Variants in CSMD1 observed in about 807,000 individuals in gnomAD.
CSMD1 encodes the protein CUB and Sushi multiple domains 1, also known as CUB and sushi domain-containing protein 1.
A neutral mutation model predicts 417.5 loss-of-function variants in CSMD1; 213 were observed. That is an observed-to-expected ratio of 0.51 (90% CI 0.46 to 0.57). The LOEUF (loss-of-function observed/expected upper bound fraction) is 0.57. Among genes scored for constraint, CSMD1 ranks in the 20% least tolerant of loss-of-function variants. CSMD1 has a pLI of 0.00. For missense variants in CSMD1, 6,923 were observed against 4,529.7 expected (o/e 1.53, Z -15.17); for synonymous variants, 2,862 against 1,736.8 (o/e 1.65, Z -16.11).
At chr8:4,655,622 A>G (rs1804184449) in intron 1 of CSMD1, among the ~76,000 whole-genome samples, 2 of 152,136 alleles carry the variant, frequency 1.3e-5, no homozygotes, top group Non-Finnish European at 2.9e-5. Flanking sequence ...GGTACTTGCT[A>G]TAGAAGAACA....
intron 8 of CSMD1, among the ~76,000 whole-genome samples, chr8:3,597,882 T>A (rs1352431638): frequency 9.9e-5 from 15 of 152,166 alleles, no homozygotes; most frequent in African/African-American, 3.6e-4. Context: ...AAATACCTAA[T>A]GTAAATGATG....
chr8:4,107,284 C>A (rs181895384), intron 3 of CSMD1, among the ~76,000 whole-genome samples: 6 of 152,196 alleles, frequency 3.9e-5, no homozygotes, highest in African/African-American at 7.2e-5. Flanking sequence ...CATTTCAACA[C>A]GCTGCACTGC....
intron 5 of CSMD1, among the ~76,000 whole-genome samples, chr8:3,896,291 C>T (rs990441265): frequency 6.6e-6 from 1 of 152,078 alleles, no homozygotes; most frequent in Non-Finnish European, 1.5e-5. Flanking sequence ...AGTGACATCG[C>T]CTTGGGAAAA....
In CSMD1 at chr8:4,927,053, GA is replaced by G. The variant is rs201489992; in HGVS notation, c.85+67278del. Among the ~76,000 whole-genome samples the G allele has an allele frequency of 8.0e-3, 1,212 of 150,584 alleles. 18 individuals are homozygous for G. Among genetic ancestry groups the G allele is most frequent in the African/African-American group, 0.027 (1,115 of 41,120 alleles). ...GACATGCTTCAGCATTCCTTTTAAT[GA>G]AAAAAATAGGGCTGTGTTATTTGCT... On this transcript the variant is annotated intron_variant, in intron 1 of 69. Transcript: ENST00000635120.
At chr8:4,139,580 G>T (rs749532816) in intron 3 of CSMD1, among the ~76,000 whole-genome samples, 1 of 151,194 alleles carries the variant, frequency 6.6e-6, no homozygotes, top group African/African-American at 2.5e-5. Context: ...AGCTGCCTAT[G>T]GAACTGAGTG....
intron 11 of CSMD1, among the ~76,000 whole-genome samples, chr8:3,488,655 T>A (rs1009733578): frequency 6.6e-6 from 1 of 152,136 alleles, no homozygotes; most frequent in African/African-American, 2.4e-5. Context: ...TAGCATAATA[T>A]TTGGCATTCA....
chr8:3,742,463 C>A (rs1415359384), intron 6 of CSMD1, among the ~76,000 whole-genome samples: 5 of 152,144 alleles, frequency 3.3e-5, no homozygotes, highest in African/African-American at 1.2e-4. Flanking sequence ...TTACAATAGG[C>A]CTGCGGTCTA....
chr8:2,974,999 A>G (rs1011407516), intron 55 of CSMD1, among the ~76,000 whole-genome samples: 3 of 152,280 alleles, frequency 2.0e-5, no homozygotes, highest in Middle Eastern at 3.4e-3. Flanking sequence ...CATTAAAACT[A>G]TTTCCACGAT....
intron 5 of CSMD1, among the ~76,000 whole-genome samples, chr8:3,909,248 T>C (rs918340778): frequency 6.6e-6 from 1 of 152,152 alleles, no homozygotes; most frequent in African/African-American, 2.4e-5. Flanking sequence ...GGAGGAGATG[T>C]AGACCCAAAA....
intron 3 of CSMD1, among the ~76,000 whole-genome samples, chr8:4,056,198 C>T (rs530425661): frequency 1.2e-3 from 184 of 150,862 alleles, no homozygotes; most frequent in African/African-American, 4.4e-3. Flanking sequence ...TCTCTTGCCT[C>T]AGCCTCCCGA....
intron 46 of CSMD1, among the ~76,000 whole-genome samples, chr8:3,105,446 G>A (rs975945874): frequency 3.9e-5 from 6 of 152,136 alleles, no homozygotes; most frequent in Admixed American, 6.5e-5. Flanking sequence ...GTGAACTAAT[G>A]ATGTTTCGAC....
intron 3 of CSMD1, among the ~76,000 whole-genome samples, chr8:4,173,054 C>T (rs1307878088): frequency 6.6e-6 from 1 of 152,094 alleles, no homozygotes; most frequent in African/African-American, 2.4e-5. Context: ...AAATTTCCTG[C>T]CCAGCAATAA....
chr8:4,456,556 G>C (rs73512801), intron 2 of CSMD1, among the ~76,000 whole-genome samples: 11 of 152,126 alleles, frequency 7.2e-5, no homozygotes, highest in African/African-American at 1.2e-4. Flanking sequence ...ACTTTGGGTA[G>C]AACTGAAAAC....
At chr8:4,007,804 G>C (rs906001706) in intron 4 of CSMD1, among the ~76,000 whole-genome samples, 1 of 152,000 alleles carries the variant, frequency 6.6e-6, no homozygotes, top group Non-Finnish European at 1.5e-5. Context: ...AATATATTTA[G>C]GGGGCTATGC....
chr8:3,991,385 G>A (rs562347305), intron 5 of CSMD1, among the ~76,000 whole-genome samples: 3 of 152,282 alleles, frequency 2.0e-5, no homozygotes, highest in East Asian at 3.9e-4. Context: ...CGTCACGGTT[G>A]CATATATAAC....
At chr8:3,976,494 C>A (rs2554714) in intron 5 of CSMD1, among the ~76,000 whole-genome samples, 37,493 of 151,984 alleles carry the variant, frequency 0.25, 4,709 homozygotes, top group Admixed American at 0.34. Context: ...TAACACATAA[C>A]GCTTAATAAA....
At chr8:3,484,701 C>T (rs1448309794) in intron 11 of CSMD1, among the ~76,000 whole-genome samples, 2 of 152,180 alleles carry the variant, frequency 1.3e-5, no homozygotes, top group East Asian at 1.9e-4. Flanking sequence ...CTACAAAGCA[C>T]TAATATCTTG....
At chr8:3,851,908 A>G (rs1803935354) in intron 5 of CSMD1, among the ~76,000 whole-genome samples, 1 of 152,228 alleles carries the variant, frequency 6.6e-6, no homozygotes, top group South Asian at 2.1e-4. Flanking sequence ...CTGGCGGGGT[A>G]GAAGTACTGG....
chr8:4,017,935 G>A (rs1259238455), intron 4 of CSMD1, among the ~76,000 whole-genome samples: 2 of 152,056 alleles, frequency 1.3e-5, no homozygotes, highest in Non-Finnish European at 2.9e-5. Flanking sequence ...CATAAAGCTG[G>A]TTGCACACAA....
Sources: allele counts gnomAD v4.1 joint callset (sites outside exome capture counted in the v4.1 genomes callset), GRCh38; gene constraint gnomAD v4.1.1; transcripts MANE v1.5; gene names NCBI Gene and HGNC (gene_info 2026-07-23, HGNC 2026-07-21).